SPMIP4: variants seen among roughly 807,000 people sequenced by gnomAD.
The protein encoded by SPMIP4 is sperm-associated microtubule inner protein 4.
the SPMIP4 span, among the ~76,000 whole-genome samples, chr7:25,126,360 T>A: frequency 6.6e-6 from 1 of 152,014 alleles, no homozygotes; most frequent in Non-Finnish European, 1.5e-5. Flanking sequence ...GTATTTTTAG[T>A]AGAGATGGGG....
At chr7:25,131,001 A>G in the SPMIP4 span, among the ~76,000 whole-genome samples, 1 of 152,372 alleles carries the variant, frequency 6.6e-6, no homozygotes, top group East Asian at 1.9e-4. This position sits in a 1 kb window ranked among gnomAD's most constrained non-coding sequence, Gnocchi z 4.2. Flanking sequence ...GAACAGGGCC[A>G]CATAGAAGGA....
chr7:25,175,372 C>T, the SPMIP4 span, among the ~76,000 whole-genome samples: 1 of 152,136 alleles, frequency 6.6e-6, no homozygotes, highest in Non-Finnish European at 1.5e-5. Flanking sequence ...ATCCTCCCAC[C>T]TCAGCCTCCC....
At chr7:25,132,117 C>T in the SPMIP4 span, among the ~76,000 whole-genome samples, 1 of 152,316 alleles carries the variant, frequency 6.6e-6, no homozygotes, top group East Asian at 1.9e-4. The surrounding 1 kb of genome is among the most constrained non-coding windows in gnomAD (Gnocchi z 5.0). Context: ...GTTGCTGGCT[C>T]GAATGCCTGG....
the SPMIP4 span, among the ~76,000 whole-genome samples, chr7:25,142,015 T>C: frequency 1.3e-5 from 2 of 152,180 alleles, no homozygotes; most frequent in Admixed American, 1.3e-4. Context: ...GGATTACAGG[T>C]GTGAGGCACT....
At chr7:25,140,435 A>G in the SPMIP4 span, among the ~76,000 whole-genome samples, 3 of 152,058 alleles carry the variant, frequency 2.0e-5, no homozygotes, top group East Asian at 1.9e-4. Context: ...CTGAGTAGCT[A>G]GGACTACAGG....
chr7:25,175,087 G>A, the SPMIP4 span, among the ~76,000 whole-genome samples: 1 of 152,064 alleles, frequency 6.6e-6, no homozygotes, highest in Non-Finnish European at 1.5e-5. Flanking sequence ...ACTAAAAAAT[G>A]CAGATTCCCT....
the SPMIP4 span, among the ~76,000 whole-genome samples, chr7:25,174,655 CTATAATGAAATCCTATTA>C: frequency 1.3e-5 from 2 of 152,116 alleles, no homozygotes; most frequent in Admixed American, 6.5e-5. This position sits in a 1 kb window ranked among gnomAD's most constrained non-coding sequence, Gnocchi z 4.5. Flanking sequence ...TAATGAAATT[CTATAATGAAATCCTATTA>C]TATAATGAAA....
At chr7:25,179,243 G>A in the SPMIP4 span, 1 of 1,613,848 alleles carries the variant, frequency 6.2e-7, no homozygotes, top group Admixed American at 1.7e-5. Flanking sequence ...AGTAAAAGGT[G>A]TTGGACAGTA....
At chr7:25,155,193 C>A in the SPMIP4 span, 2 of 1,502,130 alleles carry the variant, frequency 1.3e-6, no homozygotes, top group Non-Finnish European at 8.9e-7. Flanking sequence ...GCAGATCTCT[C>A]TAAGATTTAT....
chr7:25,166,383 C>G, the SPMIP4 span, among the ~76,000 whole-genome samples: 8 of 151,496 alleles, frequency 5.3e-5, no homozygotes, highest in East Asian at 1.6e-3. Flanking sequence ...GTCAGGAGAT[C>G]GAGACCATCC....
the SPMIP4 span, among the ~76,000 whole-genome samples, chr7:25,166,795 T>C: frequency 6.6e-6 from 1 of 152,116 alleles, no homozygotes; most frequent in South Asian, 2.1e-4. Context: ...GCTGGGAGGC[T>C]GAGGCAGGAG....
chr7:25,144,426 C>T, the SPMIP4 span, among the ~76,000 whole-genome samples: 7 of 152,292 alleles, frequency 4.6e-5, no homozygotes, highest in Middle Eastern at 3.4e-3. Context: ...CTTCTTTACC[C>T]GCCCCATTTA....
chr7:25,164,296 G>T, the SPMIP4 span, among the ~76,000 whole-genome samples: 2 of 152,288 alleles, frequency 1.3e-5, no homozygotes, highest in South Asian at 4.1e-4. Flanking sequence ...GGTTCCAATT[G>T]CATTGGAAGC....
At chr7:25,167,484 G>A in the SPMIP4 span, among the ~76,000 whole-genome samples, 8 of 152,334 alleles carry the variant, frequency 5.3e-5, no homozygotes, top group African/African-American at 1.7e-4. Context: ...GTTGATGTCT[G>A]AATCTTTCTA....
chr7:25,135,304 G>C, the SPMIP4 span: 1 of 983,540 alleles, frequency 1.0e-6, no homozygotes, highest in Non-Finnish European at 1.2e-6. Flanking sequence ...AAACAGTTAT[G>C]TTTCTCAATC....
At chr7:25,150,203 T>C in the SPMIP4 span, among the ~76,000 whole-genome samples, 2 of 152,088 alleles carry the variant, frequency 1.3e-5, no homozygotes, top group Non-Finnish European at 2.9e-5. Context: ...CCAAGGAATG[T>C]GACATGAGGA....
At chr7:25,126,549 G>C in the SPMIP4 span, among the ~76,000 whole-genome samples, 1 of 152,146 alleles carries the variant, frequency 6.6e-6, no homozygotes, top group Admixed American at 6.6e-5. Context: ...AAAAATCAAA[G>C]AGAAAACTAA....
the SPMIP4 span, chr7:25,125,816 T>A: frequency 1.4e-6 from 1 of 690,524 alleles, no homozygotes; most frequent in Non-Finnish European, 1.8e-6. Flanking sequence ...AGGGACAGCC[T>A]GGAACCAGGA....
the SPMIP4 span, chr7:25,155,274 T>G: frequency 7.7e-7 from 1 of 1,291,276 alleles, no homozygotes; most frequent in Non-Finnish European, 1.1e-6. Flanking sequence ...AAAAATTTAT[T>G]GGGACCCTTT....
Sources: allele counts gnomAD v4.1 joint callset (sites outside exome capture counted in the v4.1 genomes callset), GRCh38; gene constraint gnomAD v4.1.1; non-coding constraint Gnocchi (gnomAD v3.1); transcripts MANE v1.5; gene names NCBI Gene and HGNC (gene_info 2026-07-23, HGNC 2026-07-21).